The following SOCS6 variants were observed in gnomAD, a reference collection of about 807,000 sequenced individuals.
SOCS6 encodes the protein STAT induced STAT inhibitor-4.
In SOCS6, 5 loss-of-function variants were observed where a neutral mutation model predicts 27.7. The observed-to-expected ratio is 0.18, with a 90% CI of 0.09 to 0.38. The LOEUF (loss-of-function observed/expected upper bound fraction) is 0.38, where lower values mean the gene tolerates loss of function less well. Ranked by LOEUF, SOCS6 falls within the 10% of genes least tolerant of loss-of-function variation. The probability of loss-of-function intolerance (pLI) is 1.00; values close to 1 mark genes in which losing one functional copy is unlikely to be tolerated. For missense variants in SOCS6, 595 were observed against 688.1 expected, an observed-to-expected ratio of 0.86 and a Z score of 1.51; for synonymous variants, 271 against 260.0, an observed-to-expected ratio of 1.04 and a Z score of -0.41.
intron 1 of SOCS6, among the ~76,000 whole-genome samples, chr18:70,310,209 A>T (rs892264618): frequency 2.0e-5 from 3 of 152,060 alleles, no homozygotes; most frequent in Non-Finnish European, 2.9e-5. Flanking sequence ...GTCCAGCTTC[A>T]TAGTTACTTT....
At chr18:70,322,968 T>G (rs1180929293) in intron 1 of SOCS6, among the ~76,000 whole-genome samples, 8 of 152,246 alleles carry the variant, frequency 5.3e-5, no homozygotes, top group Admixed American at 5.2e-4. Context: ...TATCTGTTCA[T>G]ACATCTGTCT....
intron 1 of SOCS6, among the ~76,000 whole-genome samples, chr18:70,321,425 A>G (rs1252903159): frequency 6.9e-6 from 1 of 144,100 alleles, no homozygotes; most frequent in African/African-American, 2.6e-5. Context: ...GTCTCAAGCA[A>G]TTCTTCTGCC....
chr18:70,309,528 A>G (rs2062382123), intron 1 of SOCS6, among the ~76,000 whole-genome samples: 1 of 152,146 alleles, frequency 6.6e-6, no homozygotes, highest in Non-Finnish European at 1.5e-5. Flanking sequence ...TTTTTAAATA[A>G]TATTGTCTAA....
At chr18:70,299,036 C>T (rs1210040758) in intron 1 of SOCS6, among the ~76,000 whole-genome samples, 8 of 152,150 alleles carry the variant, frequency 5.3e-5, no homozygotes, top group East Asian at 1.9e-4. Context: ...GAAGGAGAAT[C>T]GCTTGAACCC....
chr18:70,291,302 G>C (rs1258553273), intron 1 of SOCS6, among the ~76,000 whole-genome samples: 1 of 151,998 alleles, frequency 6.6e-6, no homozygotes, highest in African/African-American at 2.4e-5. Context: ...GGGTCTTGCT[G>C]TGTTGCCGAG....
At chr18:70,314,865 GTA>G (rs59769890) in intron 1 of SOCS6, among the ~76,000 whole-genome samples, 42,913 of 150,056 alleles carry the variant, frequency 0.29, 6,155 homozygotes, top group Non-Finnish European at 0.32. Context: ...GATTTTGTGT[GTA>G]TATATATATA....
intron 1 of SOCS6, among the ~76,000 whole-genome samples, chr18:70,318,051 C>T (rs1014538708): frequency 1.3e-5 from 2 of 152,164 alleles, no homozygotes; most frequent in African/African-American, 4.8e-5. Flanking sequence ...GATGGAGTTT[C>T]AGCATGTTGG....
At chr18:70,313,626 G>C (rs1168620183) in intron 1 of SOCS6, among the ~76,000 whole-genome samples, 1 of 152,134 alleles carries the variant, frequency 6.6e-6, no homozygotes, top group Non-Finnish European at 1.5e-5. Context: ...ATCATTCATT[G>C]ATAGTTCACC....
At chr18:70,303,705 C>A (rs35615973) in intron 1 of SOCS6, among the ~76,000 whole-genome samples, 2 of 152,048 alleles carry the variant, frequency 1.3e-5, no homozygotes, top group African/African-American at 4.8e-5. Flanking sequence ...GCAGGAGAAT[C>A]GCTTGAACCC....
In SOCS6 at chr18:70,325,719, G is replaced by C. The variant is rs1446134570; in HGVS notation, c.1051G>C (p.Ala351Pro). The C allele has an allele frequency of 9.9e-6, 16 of 1,614,074 alleles. No individual in the cohort carries two copies. The highest frequency in any genetic ancestry group is 1.4e-5 in the Non-Finnish European group (16 of 1,180,034). ...RCHLNFDPNSAPGVARVYDSV... is the reference protein window; with the variant it reads ...RCHLNFDPNSPPGVARVYDSV... ...TCATTTGAATTTTGATCCGAACTCT[G>C]CTCCTGGGGTTGCAAGAGTTTATGA... The change falls in exon 2 of 2, where the codon GCT (alanine) becomes CCT (proline). Residue 351 changes from alanine (A) to proline (P), a missense_variant. Around this residue, in one of 2 missense-constraint regions of SOCS6, gnomAD observed 467 missense variants for 481.1 expected, o/e 0.97. Transcript: ENST00000397942. This position sits in a 1 kb window ranked among gnomAD's most constrained non-coding sequence, Gnocchi z 6.3.
chr18:70,312,860 G>A (rs560069718), intron 1 of SOCS6, among the ~76,000 whole-genome samples: 148 of 140,484 alleles, frequency 1.1e-3, no homozygotes, highest in African/African-American at 3.5e-3. Flanking sequence ...TGCAAACTCC[G>A]CCTCCCGGGT....
chr18:70,290,237 A>T (rs1309941034), intron 1 of SOCS6, among the ~76,000 whole-genome samples: 3 of 152,216 alleles, frequency 2.0e-5, no homozygotes, highest in Admixed American at 2.0e-4. Context: ...TGGGATAAAG[A>T]TACATTTGGA....
chr18:70,292,603 C>T (rs2062304901), intron 1 of SOCS6, among the ~76,000 whole-genome samples: 1 of 152,196 alleles, frequency 6.6e-6, no homozygotes, highest in Non-Finnish European at 1.5e-5. Flanking sequence ...CCACCTTTGC[C>T]TCCCAAAGTG....
At chr18:70,291,382 G>A (rs72965668) in intron 1 of SOCS6, among the ~76,000 whole-genome samples, 2 of 152,184 alleles carry the variant, frequency 1.3e-5, no homozygotes, top group African/African-American at 2.4e-5. Flanking sequence ...TTACAGGCAC[G>A]AACCACCACA....
intron 1 of SOCS6, among the ~76,000 whole-genome samples, chr18:70,314,865 G>GTATATATATATATA (rs59769890): frequency 1.3e-5 from 2 of 150,176 alleles, no homozygotes; most frequent in Admixed American, 1.3e-4. Flanking sequence ...GATTTTGTGT[G>GTATATATATATATA]TATATATATA....
chr18:70,291,946 T>G (rs1252059677), intron 1 of SOCS6, among the ~76,000 whole-genome samples: 1 of 152,220 alleles, frequency 6.6e-6, no homozygotes, highest in Non-Finnish European at 1.5e-5. Context: ...TGTTTTGAAG[T>G]GAAATTGTCA....
At chr18:70,308,369 C>T (rs1006936213) in intron 1 of SOCS6, among the ~76,000 whole-genome samples, 1 of 152,118 alleles carries the variant, frequency 6.6e-6, no homozygotes, top group Non-Finnish European at 1.5e-5. Context: ...AGGCATGCGC[C>T]ACCATACCTG....
At chr18:70,324,379 T>G (rs963983556) in intron 1 of SOCS6, among the ~76,000 whole-genome samples, 164 bp from the exon 2 acceptor site, 1 of 151,794 alleles carries the variant, frequency 6.6e-6, no homozygotes, top group Non-Finnish European at 1.5e-5. Flanking sequence ...GGCAGTGATC[T>G]GCTCTGCTGG....
chr18:70,305,742 T>TAA (rs1056728064), intron 1 of SOCS6, among the ~76,000 whole-genome samples: 36 of 152,366 alleles, frequency 2.4e-4, no homozygotes, highest in African/African-American at 8.7e-4. Context: ...CAGTGTTTTG[T>TAA]AGTTTTGACT....
Sources: allele counts gnomAD v4.1 joint callset (sites outside exome capture counted in the v4.1 genomes callset), GRCh38; gene constraint gnomAD v4.1.1; regional missense constraint gnomAD v4.1.1; non-coding constraint Gnocchi (gnomAD v3.1); transcripts MANE v1.5; gene names NCBI Gene and HGNC (gene_info 2026-07-23, HGNC 2026-07-21).